Variants in PTPN12 observed in about 807,000 individuals in gnomAD.
PTPN12 encodes the protein tyrosine-protein phosphatase non-receptor type 12.
PTPN12 carries 29 observed loss-of-function variants against 97.6 expected under a neutral mutation model. That is an observed-to-expected ratio of 0.30 (90% CI 0.22 to 0.41). PTPN12 has a LOEUF of 0.41. Ranked by LOEUF, PTPN12 falls within the 10% of genes least tolerant of loss-of-function variation. The pLI is 1.00. For synonymous variants in PTPN12, 327 were observed against 300.4 expected (o/e 1.09, Z -0.91); for missense variants, 819 against 926.0 (o/e 0.88, Z 1.50).
At chr7:77,586,482 G>A (rs1787695809) in intron 5 of PTPN12, among the ~76,000 whole-genome samples, 1 of 152,184 alleles carries the variant, frequency 6.6e-6, no homozygotes, top group African/African-American at 2.4e-5. Context: ...ACTTTGGGAG[G>A]TGGAGGTGGG....
chr7:77,586,985 C>T (rs907158685), intron 5 of PTPN12, among the ~76,000 whole-genome samples: 13 of 152,158 alleles, frequency 8.5e-5, no homozygotes, highest in African/African-American at 3.1e-4. Context: ...TTGTTTCCAC[C>T]ACATTTGCAG....
Position 77,537,564 on chromosome 7 carries a change from C to G in PTPN12, c.18C>G (p.Ile6Met). Residue 6 changes from isoleucine (I) to methionine (M), a missense_variant, in exon 1 of 18, where the codon ATC becomes ATG. Physicochemically the swap from Ile to Met is conservative, Grantham distance 10. Coordinates refer to ENST00000248594, the MANE Select transcript of PTPN12 (RefSeq NM_002835.4). ...GCGGGAGGATGGAGCAAGTGGAGAT[C>G]CTGAGGAAATTCATCCAGAGGGTCC... MEQVEILRKFIQRVQA... is the reference protein window; with the variant it reads MEQVEMLRKFIQRVQA... The G allele has an allele frequency of 1.9e-6, 3 of 1,599,488 alleles. No individual in the cohort carries two copies. The highest frequency in any genetic ancestry group is 2.6e-6 in the Non-Finnish European group (3 of 1,174,520).
intron 9 of PTPN12, among the ~76,000 whole-genome samples, chr7:77,607,936 G>T (rs117718673): frequency 0.018 from 2,787 of 152,052 alleles, 33 homozygotes; most frequent in Middle Eastern, 0.075. Context: ...TATATTTTTG[G>T]TACAGACAGG....
intron 1 of PTPN12, among the ~76,000 whole-genome samples, chr7:77,555,831 C>T (rs942938604): frequency 2.6e-5 from 4 of 151,808 alleles, no homozygotes; most frequent in African/African-American, 4.8e-5. Context: ...AGGAGAATGT[C>T]GTGAACCCAG....
intron 2 of PTPN12, among the ~76,000 whole-genome samples, chr7:77,573,432 T>C (rs1787228682): frequency 1.3e-5 from 2 of 152,100 alleles, no homozygotes; most frequent in African/African-American, 2.4e-5. Context: ...GCAAACAAGC[T>C]CTCTCGGGCC....
intron 6 of PTPN12, 52 bp from the exon 7 acceptor site, chr7:77,597,790 G>A: frequency 1.3e-6 from 2 of 1,578,616 alleles, no homozygotes. Flanking sequence ...GTTTTGATGT[G>A]TCTTTTTGTT....
chr7:77,621,521 T>C (rs1250799517), intron 12 of PTPN12, among the ~76,000 whole-genome samples: 1 of 151,942 alleles, frequency 6.6e-6, no homozygotes, highest in East Asian at 1.9e-4. Context: ...ATACAAAAAT[T>C]AGCTGGGCGT....
chr7:77,583,403 A>G (rs1040134244), intron 3 of PTPN12, 152 bp from the exon 4 acceptor site: 6 of 570,638 alleles, frequency 1.1e-5, no homozygotes, highest in Admixed American at 3.5e-5. Flanking sequence ...ATATTTTGCC[A>G]TGCTTTAATA....
chr7:77,577,313 G>T (rs1312094237), intron 2 of PTPN12, among the ~76,000 whole-genome samples: 1 of 152,180 alleles, frequency 6.6e-6, no homozygotes, highest in African/African-American at 2.4e-5. Flanking sequence ...TCTGTGCATA[G>T]CGATATTAAC....
At chr7:77,585,767 G>A (rs190228502) in intron 5 of PTPN12, among the ~76,000 whole-genome samples, 186 bp downstream of exon 5, 30 of 152,030 alleles carry the variant, frequency 2.0e-4, no homozygotes, top group Non-Finnish European at 3.1e-4. Flanking sequence ...TTTATATTTT[G>A]TAAGTATGTT....
chr7:77,634,154 C>G (rs1023234080), intron 14 of PTPN12, among the ~76,000 whole-genome samples: 7 of 149,042 alleles, frequency 4.7e-5, no homozygotes, highest in Non-Finnish European at 1.0e-4. Context: ...GAGCCATGAT[C>G]GCACCACTGT....
At chr7:77,579,340 G>A (rs1787439748) in intron 2 of PTPN12, among the ~76,000 whole-genome samples, 1 of 152,124 alleles carries the variant, frequency 6.6e-6, no homozygotes, top group South Asian at 2.1e-4. Context: ...GGCCAGGCTG[G>A]TCTCAAACTC....
intron 11 of PTPN12, among the ~76,000 whole-genome samples, chr7:77,614,868 T>C (rs1788697554): frequency 6.6e-6 from 1 of 152,238 alleles, no homozygotes; most frequent in Admixed American, 6.5e-5. Context: ...ATTTAATCGG[T>C]AAAAGTTTTG....
chr7:77,625,472 G>GCTCGCTCTCTCTCTCTCT, intron 12 of PTPN12, among the ~76,000 whole-genome samples: 7 of 33,528 alleles, frequency 2.1e-4, no homozygotes, highest in Non-Finnish European at 3.0e-4. Context: ...CAGGCTGCTC[G>GCTCGCTCTCTCTCTCTCT]CTCTCTCTCT....
intron 1 of PTPN12, among the ~76,000 whole-genome samples, chr7:77,542,049 G>C (rs899876241): frequency 3.9e-5 from 6 of 152,176 alleles, no homozygotes; most frequent in Non-Finnish European, 8.8e-5. Flanking sequence ...GCTGGGGGTT[G>C]GGGAGGTGGT....
chr7:77,639,567 T>G lies in PTPN12; in HGVS notation c.*287T>G. 1 of 311,268 alleles carries G rather than the reference T, an allele frequency of 3.2e-6. No individual in the cohort carries two copies. The highest frequency in any genetic ancestry group is 5.9e-6 in the Non-Finnish European group (1 of 170,162). The allele number at this position is 311,268 out of a possible 1,614,324, so 19.3% of individuals were successfully genotyped here. A position where few individuals can be genotyped will look rare whatever the true frequency, so the allele number is the denominator to read the frequency against. On this transcript the variant is annotated 3_prime_UTR_variant, in exon 18 of 18. Transcript: ENST00000248594. ...TAATACCTTTATGATATATTGAGTT[T>G]AAGGACTACTCTTTTTCTGTTTTAT...
chr7:77,555,261 G>C (rs1283958197), intron 1 of PTPN12, among the ~76,000 whole-genome samples: 5 of 149,734 alleles, frequency 3.3e-5, no homozygotes, highest in Non-Finnish European at 7.4e-5. Context: ...GCCTACATAA[G>C]TTATTTCTGG....
chr7:77,583,965 TAC>T (rs1787603134), intron 4 of PTPN12: 1 of 227,018 alleles, frequency 4.4e-6, no homozygotes, highest in Non-Finnish European at 8.8e-6. Flanking sequence ...TACTTGATAG[TAC>T]AGTTATACTC....
intron 1 of PTPN12, among the ~76,000 whole-genome samples, chr7:77,549,781 T>G (rs772262081): frequency 6.6e-6 from 1 of 152,066 alleles, no homozygotes; most frequent in Non-Finnish European, 1.5e-5. Flanking sequence ...GAGGTCTTAC[T>G]ATGTTGCCCA....
Sources: allele counts gnomAD v4.1 joint callset (sites outside exome capture counted in the v4.1 genomes callset), GRCh38; gene constraint gnomAD v4.1.1; transcripts MANE v1.5; gene names NCBI Gene and HGNC (gene_info 2026-07-23, HGNC 2026-07-21).